Variants in AHCTF1 observed in about 807,000 individuals in gnomAD.
The protein encoded by AHCTF1 is protein ELYS.
A neutral mutation model predicts 248.4 loss-of-function variants in AHCTF1; 24 were observed. The ratio of observed to expected loss-of-function variants is 0.10; its 90% CI spans 0.07 to 0.14. The LOEUF (loss-of-function observed/expected upper bound fraction) is 0.14. Among genes scored for constraint, AHCTF1 ranks in the 10% least tolerant of loss-of-function variants. AHCTF1 has a pLI of 1.00. For missense variants in AHCTF1, 2,206 were observed against 2,636.2 expected, an observed-to-expected ratio of 0.84 and a Z score of 3.57; for synonymous variants, 786 against 929.8, an observed-to-expected ratio of 0.85 and a Z score of 2.81.
Position 246,861,048 on chromosome 1 carries a change from T to C in AHCTF1, c.3983A>G (p.Glu1328Gly), listed in dbSNP as rs762483210. ...CGTGAAAACAGTCTCTTCAAGGTCT[T>C]CCGGTGACGGTGCATCCTGATACTC... ...TLEYQDAPSP[E>G]DLEETVFTAS... The change falls in exon 29 of 36, where the codon GAA becomes GGA. Residue 1328 changes from glutamate to glycine, a missense_variant. By Grantham distance (98) the Glu-to-Gly change is moderately conservative (BLOSUM62 -2). Around this residue, in one of 6 missense-constraint regions of AHCTF1, gnomAD observed 955 missense variants for 1,055.6 expected, o/e 0.90. Coordinates refer to ENST00000648844, the MANE Select transcript of AHCTF1 (RefSeq NM_001323342.2). 6.2e-7 allele frequency: 1 copy of C among 1,614,024 alleles called. No homozygotes were observed. The highest frequency in any genetic ancestry group is 1.1e-5 in the South Asian group (1 of 91,074).
chr1:246,900,851 G>C (rs989860894), intron 8 of AHCTF1, among the ~76,000 whole-genome samples: 4 of 152,156 alleles, frequency 2.6e-5, no homozygotes, highest in Admixed American at 1.3e-4. Flanking sequence ...GGATGCTTTT[G>C]GGCATTAAGG....
chr1:246,875,299 T>C (rs2103101660), intron 24 of AHCTF1, among the ~76,000 whole-genome samples: 1 of 152,178 alleles, frequency 6.6e-6, no homozygotes, highest in South Asian at 2.1e-4. Context: ...AAAACCCTCC[T>C]GTCACCTTCC....
intron 6 of AHCTF1, 75 bp from the exon 7 acceptor site, chr1:246,904,108 G>A (rs1665214192): frequency 4.5e-6 from 6 of 1,329,744 alleles, no homozygotes; most frequent in Non-Finnish European, 5.4e-6. Flanking sequence ...AGTAAGTTTA[G>A]TTTGCTTGCA....
At chr1:246,874,943 T>C (rs1440067352) in intron 24 of AHCTF1, among the ~76,000 whole-genome samples, 3 of 152,168 alleles carry the variant, frequency 2.0e-5, no homozygotes, top group African/African-American at 7.2e-5. Flanking sequence ...AATCAGCCTG[T>C]TTTACAGCCT....
intron 26 of AHCTF1, chr1:246,864,320 T>C (rs1661796286): frequency 6.1e-6 from 3 of 491,680 alleles, no homozygotes; most frequent in South Asian, 4.2e-5. Flanking sequence ...GAACTGCACA[T>C]AGCAACTGAT....
intron 17 of AHCTF1, among the ~76,000 whole-genome samples, chr1:246,889,476 AG>A (rs1664064109): frequency 6.6e-6 from 1 of 152,244 alleles, no homozygotes; most frequent in Non-Finnish European, 1.5e-5. Context: ...AGGAAATAAC[AG>A]ATCTAGAATT....
chr1:246,876,573 GA>G (rs1218405647), intron 23 of AHCTF1, among the ~76,000 whole-genome samples: 2 of 152,162 alleles, frequency 1.3e-5, no homozygotes, highest in Non-Finnish European at 2.9e-5. Flanking sequence ...AGTAAATGAA[GA>G]ATTAGTCTGA....
intron 29 of AHCTF1, 121 bp from the exon 30 acceptor site, chr1:246,857,935 C>T: frequency 1.2e-6 from 1 of 834,808 alleles, no homozygotes; most frequent in Non-Finnish European, 1.8e-6. Context: ...AGGTTTGCTG[C>T]TGTGTTATCA....
At chr1:246,931,370 GCGCCCGCGAGCCTGCCGTACCCGCCAC>G in intron 1 of AHCTF1, 181 bp downstream of exon 1, 1 of 1,516,398 alleles carries the variant, frequency 6.6e-7, no homozygotes, top group Non-Finnish European at 8.8e-7. Flanking sequence ...ACGAAGCCCG[GCGCCCGCGAGCCTGCCGTACCCGCCAC>G]CGCCACCGCT....
intron 24 of AHCTF1, among the ~76,000 whole-genome samples, chr1:246,868,973 T>G (rs1056768695): frequency 7.0e-6 from 1 of 142,742 alleles, no homozygotes. Flanking sequence ...GCCTGCTGAG[T>G]AGCTGGGACT....
At chr1:246,930,620 T>C (rs896107659) in intron 1 of AHCTF1, among the ~76,000 whole-genome samples, 2 of 149,864 alleles carry the variant, frequency 1.3e-5, no homozygotes, top group Non-Finnish European at 3.0e-5. Context: ...GCCATGTTGC[T>C]CAGGCTGGTC....
chr1:246,885,222 G>A (rs1030170964), intron 21 of AHCTF1, among the ~76,000 whole-genome samples: 5 of 152,112 alleles, frequency 3.3e-5, no homozygotes, highest in African/African-American at 1.2e-4. Context: ...CTGGTTCCAG[G>A]ATCCCCATGG....
At chr1:246,918,873 C>T (rs1666329922) in intron 1 of AHCTF1, among the ~76,000 whole-genome samples, 1 of 152,160 alleles carries the variant, frequency 6.6e-6, no homozygotes, top group African/African-American at 2.4e-5. Context: ...CCACCATCCT[C>T]CCTACAGAAA....
At chr1:246,912,053 T>G (rs1036142037) in intron 4 of AHCTF1, among the ~76,000 whole-genome samples, 2 of 151,986 alleles carry the variant, frequency 1.3e-5, no homozygotes, top group African/African-American at 4.8e-5. Context: ...TTTTAATCGG[T>G]TTTTTTATAC....
At chr1:246,877,731 T>C (rs928735726) in intron 21 of AHCTF1, among the ~76,000 whole-genome samples, 1 of 151,838 alleles carries the variant, frequency 6.6e-6, no homozygotes, top group African/African-American at 2.4e-5. Context: ...TAGAGCTTGG[T>C]AGTAGATGTT....
At chr1:246,890,143 A>G in intron 16 of AHCTF1, 84 bp from the exon 17 acceptor site, 1 of 988,368 alleles carries the variant, frequency 1.0e-6, no homozygotes, top group East Asian at 2.6e-5. Flanking sequence ...CTGTAATTTA[A>G]TATTTACAGC....
chr1:246,902,778 A>G, intron 7 of AHCTF1, 103 bp from the exon 8 acceptor site: 1 of 1,164,586 alleles, frequency 8.6e-7, no homozygotes, highest in East Asian at 2.7e-5. Context: ...CAATACAAAG[A>G]AAACAATTTA....
At chr1:246,897,348 A>G (rs916865950) in intron 12 of AHCTF1, among the ~76,000 whole-genome samples, 3 of 152,204 alleles carry the variant, frequency 2.0e-5, no homozygotes, top group Admixed American at 6.5e-5. Context: ...CAAATAAACG[A>G]AAAAAGTCTA....
chr1:246,883,920 T>G (rs2103122004), intron 21 of AHCTF1, among the ~76,000 whole-genome samples: 1 of 152,252 alleles, frequency 6.6e-6, no homozygotes, highest in Non-Finnish European at 1.5e-5. Context: ...CTGGATGAAT[T>G]AAAGAAGGAC....
Sources: allele counts gnomAD v4.1 joint callset (sites outside exome capture counted in the v4.1 genomes callset), GRCh38; gene constraint gnomAD v4.1.1; regional missense constraint gnomAD v4.1.1; transcripts MANE v1.5; gene names NCBI Gene and HGNC (gene_info 2026-07-23, HGNC 2026-07-21).